MTMR3: variants seen among roughly 807,000 people sequenced by gnomAD.
MTMR3 encodes myotubularin related protein 3.
In MTMR3, 32 loss-of-function variants were observed where a neutral mutation model predicts 132.4. The observed-to-expected ratio is 0.24, with a 90% CI of 0.18 to 0.32. MTMR3 has a LOEUF of 0.32. Ranked by LOEUF, MTMR3 falls within the 10% of genes least tolerant of loss-of-function variation. The probability of loss-of-function intolerance (pLI) is 1.00; values close to 1 mark genes in which losing one functional copy is unlikely to be tolerated. For synonymous variants in MTMR3, 556 were observed against 550.3 expected (o/e 1.01, Z -0.14); for missense variants, 1,216 against 1,489.6 (o/e 0.82, Z 3.02).
chr22:30,020,983 T>G (rs1427752361), intron 17 of MTMR3, 99 bp downstream of exon 17: 1 of 1,245,964 alleles, frequency 8.0e-7, no homozygotes, highest in African/African-American at 1.5e-5. Flanking sequence ...GTACAGGTTG[T>G]TAAAGGATTG....
intron 9 of MTMR3, 134 bp downstream of exon 9, chr22:30,003,127 T>G: frequency 1.6e-6 from 1 of 632,956 alleles, no homozygotes; most frequent in Non-Finnish European, 2.8e-6. Context: ...CTGTACTTCC[T>G]TATTGTTAAA....
intron 7 of MTMR3, chr22:29,993,180 C>G (rs542521707): frequency 6.6e-6 from 1 of 152,322 alleles, no homozygotes; most frequent in East Asian, 1.9e-4. Context: ...CTGTCACCTA[C>G]GAGAGACCAC....
intron 19 of MTMR3, chr22:30,023,732 A>G (rs1483247478): frequency 1.9e-6 from 1 of 517,338 alleles, no homozygotes; most frequent in Non-Finnish European, 3.5e-6. Flanking sequence ...TTGTGACGAG[A>G]AGTAGTGCTT....
intron 6 of MTMR3, chr22:29,989,998 A>AG (rs775959853): frequency 6.6e-6 from 1 of 152,244 alleles, no homozygotes; most frequent in Non-Finnish European, 1.5e-5. Context: ...TGGCAGGCCG[A>AG]GGTGGGGGTG....
At position 30,020,117 on chromosome 22, in the gene MTMR3, T is replaced by C; in HGVS notation, c.2458T>C (p.Tyr820His). The change falls in exon 17 of 20, where the codon TAT (tyrosine) becomes CAT (histidine). Residue 820 changes from tyrosine (Y) to histidine (H), a missense_variant. Tyr to His is a moderately conservative substitution (Grantham distance 83). Coordinates refer to ENST00000401950, the MANE Select transcript of MTMR3 (RefSeq NM_021090.4). ...AATCCCAGTAGATGCAAAAGTTGGC[T>C]ATGGTACCTCACAGTCATGTTCTCT... ...LPIPVDAKVG[Y>H]GTSQSCSLLP... The C allele has an allele frequency of 6.2e-7, 1 of 1,614,202 alleles. No homozygotes were observed. The highest frequency in any genetic ancestry group is 8.5e-7 in the Non-Finnish European group (1 of 1,180,036).
chr22:29,947,312 T>G (rs776190712), intron 1 of MTMR3, among the ~76,000 whole-genome samples: 3 of 152,130 alleles, frequency 2.0e-5, no homozygotes. Flanking sequence ...GTTGGCAACT[T>G]GAGAATTCCA....
rs942991652 is a variant in MTMR3 at position 30,019,369 on chromosome 22, G to A, written c.1821-111G>A. On this transcript the variant is annotated intron_variant, in intron 16 of 19. Coordinates refer to ENST00000401950, the MANE Select transcript of MTMR3 (RefSeq NM_021090.4). Reference sequence around the variant, plus strand: ...CTCCAGAGATGCTACAGCTCCATGAGTAGCCATAATGGACCCAGTTATGAA... The same window carrying A: ...CTCCAGAGATGCTACAGCTCCATGAATAGCCATAATGGACCCAGTTATGAA... The A allele has an allele frequency of 1.0e-5, 10 of 983,586 alleles. No homozygotes were observed. The African/African-American group carries it at 1.3e-4, about 13-fold the overall frequency. The allele number at this position is 983,586 out of a possible 1,614,324, so 60.9% of individuals were successfully genotyped here.
intron 3 of MTMR3, among the ~76,000 whole-genome samples, chr22:29,975,523 T>TA (rs1182257710): frequency 6.6e-6 from 1 of 152,188 alleles, no homozygotes. Context: ...GAAAAGTAGT[T>TA]AAAAAAAGGA....
chr22:30,011,677 A>G (rs1036945457), intron 12 of MTMR3: 1 of 152,256 alleles, frequency 6.6e-6, no homozygotes, highest in African/African-American at 2.4e-5. Flanking sequence ...AAAGTCTTTC[A>G]AAAAAAGGTT....
chr22:30,015,277 A>C (rs2067551970), intron 14 of MTMR3: 1 of 151,292 alleles, frequency 6.6e-6, no homozygotes, highest in Non-Finnish European at 1.5e-5. Flanking sequence ...GGCAGGTCTC[A>C]AACACCTGGG....
intron 1 of MTMR3, among the ~76,000 whole-genome samples, chr22:29,952,268 T>C (rs1209287522): frequency 6.6e-6 from 1 of 152,126 alleles, no homozygotes; most frequent in African/African-American, 2.4e-5. Flanking sequence ...ATGATAATAT[T>C]TTAGCAGCTT....
At chr22:29,895,681 G>A (rs2064879614) in intron 1 of MTMR3, among the ~76,000 whole-genome samples, 1 of 152,144 alleles carries the variant, frequency 6.6e-6, no homozygotes. Flanking sequence ...AGTTTTCAGT[G>A]CATCTCATCG....
At chr22:29,894,503 CGTGTGTGTGT>C (rs144670905) in intron 1 of MTMR3, among the ~76,000 whole-genome samples, 5 of 147,174 alleles carry the variant, frequency 3.4e-5, no homozygotes, top group African/African-American at 7.5e-5. Flanking sequence ...GTTCTGTATC[CGTGTGTGTGT>C]GTGTGTGTGT....
intron 1 of MTMR3, among the ~76,000 whole-genome samples, chr22:29,887,901 G>C (rs1241163577): frequency 1.3e-5 from 2 of 152,242 alleles, no homozygotes; most frequent in Non-Finnish European, 2.9e-5. Flanking sequence ...GTATTGTCTT[G>C]ATGCTGATAG....
chr22:30,003,339 CTT>C (rs1395321234), intron 9 of MTMR3: 3 of 169,862 alleles, frequency 1.8e-5, no homozygotes, highest in African/African-American at 4.8e-5. Flanking sequence ...AGAGATGAGT[CTT>C]AGAAAGTGAT....
rs1165883432 is a variant in MTMR3, at chr22:29,970,995, A to AAG, written c.-60_-59dup. On this transcript the variant is annotated 5_prime_UTR_variant, in exon 3 of 20. Transcript: ENST00000401950. ...CCCCAGACTTCACCATAAGGGAAAG[A>AAG]AGAGAGCCTTGTTGGACACTGAAGA... 8.6e-7 allele frequency: 1 copy of AAG among 1,167,456 alleles called. No individual in the cohort carries two copies. Among genetic ancestry groups the AAG allele is most frequent in the African/African-American group, 1.6e-5 (1 of 61,184 alleles). The allele number at this position is 1,167,456 out of a possible 1,614,324, so 72.3% of individuals were successfully genotyped here.
intron 1 of MTMR3, among the ~76,000 whole-genome samples, chr22:29,927,939 GTT>G (rs764629136): frequency 2.2e-4 from 24 of 107,382 alleles, no homozygotes; most frequent in African/African-American, 7.1e-4. Context: ...TCTAGCCTTT[GTT>G]TTTTTTTTTT....
At chr22:29,896,919 C>T (rs1024001367) in intron 1 of MTMR3, among the ~76,000 whole-genome samples, 5 of 96,680 alleles carry the variant, frequency 5.2e-5, no homozygotes, top group African/African-American at 1.8e-4. Flanking sequence ...ACACACAAAT[C>T]CCATATAGAA....
At chr22:29,935,127 G>A (rs777922713) in intron 1 of MTMR3, among the ~76,000 whole-genome samples, 3 of 152,162 alleles carry the variant, frequency 2.0e-5, no homozygotes, top group Non-Finnish European at 2.9e-5. Context: ...CCATGAGATT[G>A]TTTTGTCAGG....
Sources: gnomAD v4.1 joint callset for allele counts (sites outside exome capture counted in the v4.1 genomes callset) on GRCh38, gnomAD v4.1.1 for gene constraint, MANE v1.5 for transcripts, NCBI Gene and HGNC (gene_info 2026-07-23, HGNC 2026-07-21) for gene names.